Variants in ANKRD36 observed in about 807,000 individuals in gnomAD.
ANKRD36 encodes the protein ankyrin repeat domain 36.
In ANKRD36, 179 loss-of-function variants were observed where a neutral mutation model predicts 278.1. The observed-to-expected ratio is 0.64, with a 90% CI of 0.57 to 0.73. The LOEUF (loss-of-function observed/expected upper bound fraction) is 0.73. ANKRD36 is among the 30% of genes least tolerant of loss of function. The pLI is 0.00. For synonymous variants in ANKRD36, 320 were observed against 641.1 expected (o/e 0.50, Z 7.57); for missense variants, 1,159 against 1,956.7 (o/e 0.59, Z 7.69).
chr2:97,226,068 T>G (rs1367816390), intron 67 of ANKRD36, among the ~76,000 whole-genome samples: 2 of 151,848 alleles, frequency 1.3e-5, no homozygotes, highest in African/African-American at 4.8e-5. Flanking sequence ...CTATTGTGAA[T>G]AGTGCCGCAA....
At chr2:97,210,270 A>G (rs1278686579) in intron 56 of ANKRD36, among the ~76,000 whole-genome samples, 1 of 151,830 alleles carries the variant, frequency 6.6e-6, no homozygotes, top group Non-Finnish European at 1.5e-5. Flanking sequence ...TAACCCGTGT[A>G]CAGTGTAGGA....
intron 69 of ANKRD36, among the ~76,000 whole-genome samples, chr2:97,242,188 G>A (rs1292454732): frequency 6.6e-6 from 1 of 151,456 alleles, no homozygotes; most frequent in Non-Finnish European, 1.5e-5. Context: ...TACGCAGGAG[G>A]CTGAGGCAGG....
chr2:97,210,052 C>G (rs1462674521), intron 56 of ANKRD36, among the ~76,000 whole-genome samples, 180 bp downstream of exon 56: 1 of 151,804 alleles, frequency 6.6e-6, no homozygotes, highest in Non-Finnish European at 1.5e-5. Context: ...ACATGATCTT[C>G]GCTCTAAGAT....
At chr2:97,193,089 G>A in intron 38 of ANKRD36, 36 bp downstream of exon 38, 1 of 1,490,006 alleles carries the variant, frequency 6.7e-7, no homozygotes, top group Non-Finnish European at 9.0e-7. Context: ...CATGTTCAGT[G>A]CAGATAGATA....
rs375686554 is a variant in ANKRD36 at position 97,196,481 on chromosome 2, G to A, written c.2552-112G>A. The A allele has an allele frequency of 1.5e-4, 236 of 1,552,126 alleles. No individual in the cohort carries two copies. In the East Asian group the frequency reaches 2.1e-3, roughly 14 times the overall value. ...CAGACACAAAGTAGAAGCCATCAAAGCCTATGCTAATACAGGCAGGAGGAC... is the reference window on the plus strand; with the variant it reads ...CAGACACAAAGTAGAAGCCATCAAAACCTATGCTAATACAGGCAGGAGGAC... On this transcript the variant is annotated intron_variant, in intron 40 of 75. Coordinates refer to ENST00000420699, the MANE Select transcript of ANKRD36 (RefSeq NM_001354587.1).
At chr2:97,217,641 G>A (rs1320561733) in intron 64 of ANKRD36, among the ~76,000 whole-genome samples, 1 of 152,102 alleles carries the variant, frequency 6.6e-6, no homozygotes, top group South Asian at 2.1e-4. Context: ...AAGAGGATCC[G>A]GGGACAGCAT....
At chr2:97,172,555 C>T (rs1243414985) in intron 22 of ANKRD36, among the ~76,000 whole-genome samples, 1 of 151,888 alleles carries the variant, frequency 6.6e-6, no homozygotes, top group East Asian at 1.9e-4. Flanking sequence ...GCACCTGTTT[C>T]CCCCTTAAAG....
Position 97,204,078 on chromosome 2 carries a change from G to C in ANKRD36, c.2970G>C (p.Glu990Asp). Residue 990 changes from glutamate (E) to aspartate (D), a missense_variant, in exon 49 of 76, where the codon GAG becomes GAC. Coordinates refer to ENST00000420699, the MANE Select transcript of ANKRD36 (RefSeq NM_001354587.1). ...DGEKSRTVSS[E>D]KPPGLKATSD... is the part of the protein sequence containing the mutation. Reference sequence around the variant, plus strand: ...CCTTTTACTTTTCAGTGTCTTCTGAGAAACCACCAGGCTTGAAGGTAATGA... The same window carrying C: ...CCTTTTACTTTTCAGTGTCTTCTGACAAACCACCAGGCTTGAAGGTAATGA... 6.4e-7 allele frequency: 1 copy of C among 1,573,834 alleles called. No individual in the cohort carries two copies. The highest frequency in any genetic ancestry group is 8.6e-7 in the Non-Finnish European group (1 of 1,161,988).
At position 97,196,792 on chromosome 2, in the gene ANKRD36, A is replaced by T. The variant is rs1360442240; in HGVS notation, c.2653+4A>T. The T allele has an allele frequency of 1.3e-6, 2 of 1,545,962 alleles. No homozygotes were observed. Among genetic ancestry groups the T allele is most frequent in the Non-Finnish European group, 1.7e-6 (2 of 1,146,852 alleles). ...GATGGAGAAAAATCTAGGACAGGTAATTCTGAAAACAGATTTAATGTCATG... is the reference window on the plus strand; with the variant it reads ...GATGGAGAAAAATCTAGGACAGGTATTTCTGAAAACAGATTTAATGTCATG... On this transcript the variant is annotated splice_donor_region_variant and intron_variant, in intron 42 of 75. Transcript: ENST00000420699.
chr2:97,181,473 A>G lies in ANKRD36; in HGVS notation c.1736-125A>G, dbSNP rs1239034744. The G allele has an allele frequency of 6.8e-5, 86 of 1,269,422 alleles. No individual in the cohort carries two copies. In the Middle Eastern group the frequency reaches 8.4e-4, roughly 12 times the overall value. The allele number at this position is 1,269,422 out of a possible 1,614,324, so 78.6% of individuals were successfully genotyped here. ...ATGTTCCAGTCTCCAGACAAAAAGT[A>G]GAAAACATCAAAGCCTACACTAGTA... On this transcript the variant is annotated intron_variant, in intron 24 of 75. Coordinates refer to ENST00000420699, the MANE Select transcript of ANKRD36 (RefSeq NM_001354587.1).
intron 66 of ANKRD36, among the ~76,000 whole-genome samples, chr2:97,223,312 G>C (rs1210379370): frequency 6.7e-6 from 1 of 150,266 alleles, no homozygotes; most frequent in Non-Finnish European, 1.5e-5. Flanking sequence ...TGTTAGTCAG[G>C]CTGGTCTTGA....
chr2:97,113,428 G>T lies in ANKRD36; in HGVS notation c.-312G>T, dbSNP rs570881572. The stretch of plus-strand genomic sequence containing the variant: ...CGACAGTTAAACAGGCCCTGGGGCA[G>T]GGCGCGCCTCGCGCTCCAGGGAGCC... On this transcript the variant is annotated 5_prime_UTR_variant, in exon 1 of 76. In the 5' UTR this introduces an upstream ATG that the reference lacks. Coordinates refer to ENST00000420699, the MANE Select transcript of ANKRD36 (RefSeq NM_001354587.1). 2.3e-6 allele frequency: 1 copy of T among 433,556 alleles called. No homozygotes were observed. The highest frequency in any genetic ancestry group is 5.5e-5 in the East Asian group (1 of 18,168). The allele number at this position is 433,556 out of a possible 1,614,324, so 26.9% of individuals were successfully genotyped here. A position where few individuals can be genotyped will look rare whatever the true frequency, so the allele number is the denominator to read the frequency against.
intron 66 of ANKRD36, among the ~76,000 whole-genome samples, chr2:97,220,453 A>G (rs2067101353): frequency 6.6e-6 from 1 of 151,030 alleles, no homozygotes; most frequent in Non-Finnish European, 1.5e-5. Context: ...TCTATTTTTT[A>G]AATTTCTCAC....
intron 18 of ANKRD36, chr2:97,163,603 T>A (rs2049752657): frequency 4.7e-6 from 1 of 210,954 alleles, no homozygotes; most frequent in African/African-American, 2.4e-5. Flanking sequence ...TGAGACGGAG[T>A]CTCACTCTGT....
intron 52 of ANKRD36, among the ~76,000 whole-genome samples, chr2:97,207,545 T>C (rs1191974458): frequency 6.6e-6 from 1 of 151,574 alleles, no homozygotes. Context: ...CATATCCACG[T>C]TGATATTGAC....
At chr2:97,179,061 T>C (rs1415116940) in intron 22 of ANKRD36, among the ~76,000 whole-genome samples, 2 of 151,586 alleles carry the variant, frequency 1.3e-5, no homozygotes, top group Non-Finnish European at 2.9e-5. Context: ...TGATGAAGTT[T>C]ATATATTATA....
chr2:97,139,751 T>A (rs2042399436), intron 6 of ANKRD36, among the ~76,000 whole-genome samples: 1 of 152,074 alleles, frequency 6.6e-6, no homozygotes, highest in Admixed American at 6.6e-5. Flanking sequence ...CCTTAAAGCA[T>A]GTATTTTTGA....
chr2:97,180,031 G>A (rs964952859), intron 24 of ANKRD36, 98 bp downstream of exon 24: 22 of 1,552,266 alleles, frequency 1.4e-5, no homozygotes, highest in East Asian at 6.8e-5. Flanking sequence ...TAAGCTGCAC[G>A]TTCTGATTCA....
rs905067677 is a variant in ANKRD36 at position 97,118,499 on chromosome 2, T to C, written c.468T>C (p.Asn156=). The change falls in exon 3 of 76, where the codon AAT becomes AAC. Residue 156 remains asparagine (N), a synonymous_variant. Coordinates refer to ENST00000420699, the MANE Select transcript of ANKRD36 (RefSeq NM_001354587.1). Reference sequence around the variant, plus strand: ...AAAAACTTCTTTCACATGGTACAAATATTGAAGAATGCAGCAAGGTATAGG... The same window carrying C: ...AAAAACTTCTTTCACATGGTACAAACATTGAAGAATGCAGCAAGGTATAGG... ...MIEKLLSHGT[N]IEECSKCEYQ... is the part of the protein sequence containing the mutation. The C allele has an allele frequency of 1.3e-6, 2 of 1,592,396 alleles. No homozygotes were observed. The highest frequency in any genetic ancestry group is 1.4e-5 in the African/African-American group (1 of 73,966).
Sources: gnomAD v4.1 joint callset for allele counts (sites outside exome capture counted in the v4.1 genomes callset) on GRCh38, gnomAD v4.1.1 for gene constraint, MANE v1.5 for transcripts, NCBI Gene and HGNC (gene_info 2026-07-23, HGNC 2026-07-21) for gene names.